The following DYNC1I1 variants were observed in gnomAD, a reference collection of about 807,000 sequenced individuals.
DYNC1I1 encodes the protein dynein cytoplasmic 1 intermediate chain 1, also known as cytoplasmic dynein 1 intermediate chain 1.
DYNC1I1 carries 43 observed loss-of-function variants against 86.6 expected under a neutral mutation model. That is an observed-to-expected ratio of 0.50 (90% confidence interval 0.39 to 0.64). The LOEUF is 0.64. Ranked by LOEUF, DYNC1I1 falls within the 30% of genes least tolerant of loss-of-function variation. The probability of loss-of-function intolerance (pLI) is 0.00; values close to 1 mark genes in which losing one functional copy is unlikely to be tolerated. For missense variants in DYNC1I1, 604 were observed against 788.8 expected (o/e 0.77, Z 2.81); for synonymous variants, 262 against 283.7 (o/e 0.92, Z 0.77).
At chr7:96,046,509 G>T (rs1053045654) in intron 14 of DYNC1I1, among the ~76,000 whole-genome samples, 3 of 152,210 alleles carry the variant, frequency 2.0e-5, no homozygotes, top group Non-Finnish European at 4.4e-5. Context: ...ACAAGAGAGC[G>T]TAAATAACTT....
chr7:95,889,171 T>C (rs962866329), intron 6 of DYNC1I1, among the ~76,000 whole-genome samples: 2 of 152,214 alleles, frequency 1.3e-5, no homozygotes, highest in African/African-American at 4.8e-5. Context: ...TTGCAAAGTG[T>C]GAACATCAGA....
intron 5 of DYNC1I1, among the ~76,000 whole-genome samples, chr7:95,836,588 G>A (rs1789099267): frequency 1.3e-5 from 2 of 150,788 alleles, no homozygotes; most frequent in African/African-American, 4.8e-5. Flanking sequence ...CATTCTCCCC[G>A]TCACCTTCAG....
chr7:95,989,142 C>G (rs1793668272), intron 9 of DYNC1I1, among the ~76,000 whole-genome samples: 1 of 152,080 alleles, frequency 6.6e-6, no homozygotes, highest in East Asian at 1.9e-4. Flanking sequence ...TCTCAGAAGA[C>G]TGGGATTTAG....
At chr7:95,836,131 T>C (rs1584264671) in intron 5 of DYNC1I1, among the ~76,000 whole-genome samples, 1 of 152,284 alleles carries the variant, frequency 6.6e-6, no homozygotes, top group East Asian at 1.9e-4. Context: ...TTTCCATGTT[T>C]AGCGCTTCCT....
At chr7:95,999,940 C>G (rs1470537899) in intron 10 of DYNC1I1, among the ~76,000 whole-genome samples, 1 of 152,084 alleles carries the variant, frequency 6.6e-6, no homozygotes, top group Non-Finnish European at 1.5e-5. Flanking sequence ...CGGCTGTGGA[C>G]ACAGAGATAT....
intron 6 of DYNC1I1, among the ~76,000 whole-genome samples, chr7:95,941,820 CCA>C (rs1792232478): frequency 6.6e-6 from 1 of 152,176 alleles, no homozygotes; most frequent in Admixed American, 6.5e-5. Flanking sequence ...TGTCCTGCGC[CCA>C]CTGTCTGGCA....
chr7:95,871,393 A>G (rs1790163680), intron 6 of DYNC1I1, among the ~76,000 whole-genome samples: 2 of 152,222 alleles, frequency 1.3e-5, no homozygotes, highest in Admixed American at 1.3e-4. Flanking sequence ...ACAAAATTAG[A>G]AAAGCCTGTG....
chr7:96,022,908 C>G (rs1263464228), intron 10 of DYNC1I1, among the ~76,000 whole-genome samples: 1 of 151,516 alleles, frequency 6.6e-6, no homozygotes, highest in Admixed American at 6.6e-5. Flanking sequence ...AAAAAAGACC[C>G]TTTCCCTTCA....
chr7:96,080,302 A>AATTTGTAT, intron 15 of DYNC1I1, 61 bp from the exon 16 acceptor site: 1 of 1,518,112 alleles, frequency 6.6e-7, no homozygotes, highest in Non-Finnish European at 8.8e-7. Context: ...TATTATTGTA[A>AATTTGTAT]ATTTGTATAT....
chr7:96,012,116 A>G (rs1160777063), intron 10 of DYNC1I1, among the ~76,000 whole-genome samples: 1 of 152,160 alleles, frequency 6.6e-6, no homozygotes, highest in African/African-American at 2.4e-5. Context: ...TCATGCCATG[A>G]GAACAAATTT....
At chr7:95,779,427 A>C (rs889941448) in intron 1 of DYNC1I1, among the ~76,000 whole-genome samples, 1 of 152,210 alleles carries the variant, frequency 6.6e-6, no homozygotes, top group African/African-American at 2.4e-5. Flanking sequence ...TGAGGATTGC[A>C]GACAATCAGT....
At chr7:95,914,872 C>T (rs998787837) in intron 6 of DYNC1I1, among the ~76,000 whole-genome samples, 1 of 152,114 alleles carries the variant, frequency 6.6e-6, no homozygotes, top group African/African-American at 2.4e-5. Context: ...AATCAGAAGT[C>T]ATGTCCTAAA....
In DYNC1I1 at chr7:96,035,757, T is replaced by C; in HGVS notation, c.1364+5T>C. The C allele has an allele frequency of 4.4e-6, 7 of 1,609,142 alleles. No individual in the cohort carries two copies. Among genetic ancestry groups the C allele is most frequent in the Non-Finnish European group, 5.9e-6 (7 of 1,178,096 alleles). ...CACGGCTTGTCGTCATGGAAGGTGA[T>C]TTTTCTGTTTCTTTACTGATGACAT... On this transcript the variant is annotated splice_donor_5th_base_variant and intron_variant, in intron 13 of 16. Coordinates refer to ENST00000447467, the MANE Select transcript of DYNC1I1 (RefSeq NM_001135556.2).
intron 14 of DYNC1I1, among the ~76,000 whole-genome samples, chr7:96,051,110 A>T (rs536919940): frequency 6.6e-6 from 1 of 152,018 alleles, no homozygotes; most frequent in Non-Finnish European, 1.5e-5. Context: ...CCTGTGCTGC[A>T]GTTTAGTTTA....
chr7:95,975,921 A>G (rs527829381), intron 6 of DYNC1I1, among the ~76,000 whole-genome samples: 2 of 152,288 alleles, frequency 1.3e-5, no homozygotes, highest in East Asian at 3.9e-4. Context: ...AAGATACGTC[A>G]TGTCGAGATG....
chr7:95,946,679 T>A (rs1010293133), intron 6 of DYNC1I1, among the ~76,000 whole-genome samples: 4 of 152,312 alleles, frequency 2.6e-5, no homozygotes, highest in Middle Eastern at 6.8e-3. Flanking sequence ...ATTGATTAAT[T>A]CATGCATTGA....
intron 6 of DYNC1I1, among the ~76,000 whole-genome samples, chr7:95,908,080 C>T (rs1397738547): frequency 6.6e-6 from 1 of 152,048 alleles, no homozygotes; most frequent in Non-Finnish European, 1.5e-5. Flanking sequence ...TTTAGTTAAG[C>T]AGTCATGGGT....
At chr7:95,925,664 A>C (rs907162080) in intron 6 of DYNC1I1, among the ~76,000 whole-genome samples, 2 of 152,188 alleles carry the variant, frequency 1.3e-5, no homozygotes, top group Non-Finnish European at 2.9e-5. Context: ...GAAAATAGCC[A>C]AAATTTGACA....
intron 10 of DYNC1I1, among the ~76,000 whole-genome samples, chr7:96,008,246 G>A (rs1285050498): frequency 2.6e-5 from 4 of 151,768 alleles, no homozygotes; most frequent in Admixed American, 6.6e-5. Context: ...GTCATTCCCC[G>A]GAAAGAAAAA....
Sources: gnomAD v4.1 joint callset for allele counts (sites outside exome capture counted in the v4.1 genomes callset) on GRCh38, gnomAD v4.1.1 for gene constraint, MANE v1.5 for transcripts, NCBI Gene and HGNC (gene_info 2026-07-23, HGNC 2026-07-21) for gene names.